The following SYT17 variants were observed in gnomAD, a reference collection of about 807,000 sequenced individuals.
SYT17 encodes synaptotagmin-17.
SYT17 carries 22 observed loss-of-function variants against 46.7 expected under a neutral mutation model. The ratio of observed to expected loss-of-function variants is 0.47; its 90% confidence interval spans 0.34 to 0.67. The LOEUF is 0.67. SYT17 is among the 30% of genes least tolerant of loss of function. The probability of loss-of-function intolerance (pLI) is 0.01; values close to 1 mark genes in which losing one functional copy is unlikely to be tolerated. For synonymous variants in SYT17, 251 were observed against 248.4 expected (o/e 1.01, Z -0.10); for missense variants, 519 against 612.8 (o/e 0.85, Z 1.62).
At chr16:19,260,926 T>C (rs1216645058) in intron 7 of SYT17, among the ~76,000 whole-genome samples, 3 of 152,170 alleles carry the variant, frequency 2.0e-5, no homozygotes, top group African/African-American at 4.8e-5. Flanking sequence ...TGTGACTTGG[T>C]TTCCTTACCT....
chr16:19,258,816 T>C (rs1269821200), intron 7 of SYT17, among the ~76,000 whole-genome samples: 3 of 152,146 alleles, frequency 2.0e-5, no homozygotes, highest in Admixed American at 6.5e-5. Context: ...AACCCTGCTC[T>C]GGAGGCTTGA....
intron 7 of SYT17, among the ~76,000 whole-genome samples, chr16:19,232,157 C>T (rs1434504275): frequency 6.6e-6 from 1 of 152,164 alleles, no homozygotes; most frequent in Non-Finnish European, 1.5e-5. Flanking sequence ...CACCCTGCTG[C>T]CTGCTGCGGG....
chr16:19,217,478 T>A (rs1196025177), intron 5 of SYT17, among the ~76,000 whole-genome samples: 1 of 152,208 alleles, frequency 6.6e-6, no homozygotes, highest in African/African-American at 2.4e-5. Context: ...AATATGTGAT[T>A]TTTTGTGTCT....
At chr16:19,232,893 C>G (rs549499557) in intron 7 of SYT17, among the ~76,000 whole-genome samples, 2 of 152,276 alleles carry the variant, frequency 1.3e-5, no homozygotes, top group South Asian at 4.1e-4. Context: ...CCTACCCCTG[C>G]ACATTGTTTG....
At position 19,200,230 on chromosome 16, in the gene SYT17, G is replaced by A; in HGVS notation, c.951+16083G>A. ...CAGTGCAGCCCAACAAATACAACAT[G>A]GGCTGCATATTAATGGGCCATATAC... On this transcript the variant is annotated intron_variant, in intron 5 of 7. Coordinates refer to ENST00000355377, the MANE Select transcript of SYT17 (RefSeq NM_016524.4). 2.6e-5 allele frequency among the ~76,000 whole-genome samples: 4 copies of A among 152,322 alleles called. 1 individual carries two copies. The South Asian group carries it at 8.3e-4, about 32-fold the overall frequency.
chr16:19,204,010 G>A (rs1965570156), intron 5 of SYT17, among the ~76,000 whole-genome samples: 1 of 152,204 alleles, frequency 6.6e-6, no homozygotes, highest in African/African-American at 2.4e-5. Flanking sequence ...GGGGATGGGA[G>A]CCGTTACAAG....
At chr16:19,201,389 C>G (rs756304253) in intron 5 of SYT17, among the ~76,000 whole-genome samples, 1 of 152,108 alleles carries the variant, frequency 6.6e-6, no homozygotes, top group Non-Finnish European at 1.5e-5. Flanking sequence ...CAAACCTTGT[C>G]GTCAGATAGA....
intron 7 of SYT17, among the ~76,000 whole-genome samples, chr16:19,263,695 G>T (rs182811433): frequency 3.6e-4 from 53 of 147,296 alleles, no homozygotes; most frequent in African/African-American, 1.3e-3. Context: ...AATGTTTACA[G>T]TAGCATTATC....
At chr16:19,232,520 G>A (rs1006011483) in intron 7 of SYT17, among the ~76,000 whole-genome samples, 2 of 152,078 alleles carry the variant, frequency 1.3e-5, no homozygotes, top group Non-Finnish European at 2.9e-5. Context: ...GATTGATTGT[G>A]CCAGTGCATT....
chr16:19,170,120 A>T (rs1051184352), intron 1 of SYT17: 1 of 152,172 alleles, frequency 6.6e-6, no homozygotes, highest in African/African-American at 2.4e-5. Context: ...GTAAAGTGCC[A>T]GATACTATTT....
intron 5 of SYT17, among the ~76,000 whole-genome samples, chr16:19,219,228 C>T (rs1475038219): frequency 6.8e-5 from 1 of 14,604 alleles, no homozygotes; most frequent in Non-Finnish European, 1.1e-4. Context: ...AGGTGAAACC[C>T]CGTCTCTACT....
At chr16:19,205,116 C>T (rs1965613945) in intron 5 of SYT17, among the ~76,000 whole-genome samples, 1 of 152,198 alleles carries the variant, frequency 6.6e-6, no homozygotes, top group South Asian at 2.1e-4. Flanking sequence ...ACCCAGCAGC[C>T]AGGGGAATAC....
chr16:19,264,304 A>G (rs2143003684), intron 7 of SYT17, among the ~76,000 whole-genome samples: 1 of 152,330 alleles, frequency 6.6e-6, no homozygotes, highest in Admixed American at 6.5e-5. Context: ...ATGTAAACAA[A>G]TGGGTTTGAC....
At chr16:19,266,332 G>A (rs563416777) in intron 7 of SYT17, among the ~76,000 whole-genome samples, 2 of 152,234 alleles carry the variant, frequency 1.3e-5, no homozygotes, top group Non-Finnish European at 2.9e-5. Context: ...GCTGTAGAGA[G>A]AGCTGCTACC....
At chr16:19,249,320 T>G (rs1481281204) in intron 7 of SYT17, among the ~76,000 whole-genome samples, 1 of 95,174 alleles carries the variant, frequency 1.1e-5, no homozygotes, top group Non-Finnish European at 2.5e-5. Flanking sequence ...GTAAATAAAC[T>G]ATGGTGGAAG....
intron 5 of SYT17, among the ~76,000 whole-genome samples, chr16:19,201,327 C>T (rs1045947384): frequency 6.6e-6 from 1 of 152,148 alleles, no homozygotes; most frequent in South Asian, 2.1e-4. Context: ...ACTTAGGGAA[C>T]TGAGAACCCT....
chr16:19,229,128 C>G (rs1966594186), intron 7 of SYT17, among the ~76,000 whole-genome samples: 1 of 152,164 alleles, frequency 6.6e-6, no homozygotes, highest in African/African-American at 2.4e-5. Context: ...TTTACTGAAC[C>G]AAAGTAAAGT....
chr16:19,232,839 T>TAAACAAACAAACAAACAAAC (rs57954740), intron 7 of SYT17, among the ~76,000 whole-genome samples: 1 of 150,116 alleles, frequency 6.7e-6, no homozygotes, highest in African/African-American at 2.5e-5. Context: ...CTCAAAAACA[T>TAAACAAACAAACAAACAAAC]AAACAAACAA....
intron 7 of SYT17, among the ~76,000 whole-genome samples, chr16:19,244,099 C>T (rs1335542518): frequency 1.3e-5 from 2 of 152,152 alleles, no homozygotes; most frequent in Admixed American, 6.6e-5. Context: ...TTAGAATCCT[C>T]CACGTGCTGT....
Sources: gnomAD v4.1 joint callset for allele counts (sites outside exome capture counted in the v4.1 genomes callset) on GRCh38, gnomAD v4.1.1 for gene constraint, MANE v1.5 for transcripts, NCBI Gene and HGNC (gene_info 2026-07-23, HGNC 2026-07-21) for gene names.